SYT1: variants seen among roughly 807,000 people sequenced by gnomAD.
The protein encoded by SYT1 is synaptotagmin 1.
A neutral mutation model predicts 44.8 loss-of-function variants in SYT1; 8 were observed. The ratio of observed to expected loss-of-function variants is 0.18; its 90% CI spans 0.10 to 0.32. The LOEUF is 0.32. SYT1 is among the 10% of genes least tolerant of loss of function. The probability of loss-of-function intolerance (pLI) is 1.00; values close to 1 mark genes in which losing one functional copy is unlikely to be tolerated. For missense variants in SYT1, 286 were observed against 509.3 expected (o/e 0.56, Z 4.22); for synonymous variants, 154 against 188.8 (o/e 0.82, Z 1.51).
chr12:78,960,659 A>C (rs1879454362), intron 1 of SYT1: 1 of 152,222 alleles, frequency 6.6e-6, no homozygotes, highest in Admixed American at 6.5e-5. Context: ...GCAGGTACCC[A>C]GGAAGGATTC....
Position 79,217,634 on chromosome 12 carries a change from G to T in SYT1, c.115G>T (p.Ala39Ser). Residue 39 changes from alanine to serine, a missense_variant, in exon 4 of 11, where the codon GCA (alanine) becomes TCA (serine). By Grantham distance (99) the Ala-to-Ser change is moderately conservative. Transcript: ENST00000261205. ...CAGTCCTGGAGAAGGAAAGGAAGAT[G>T]CATTTTCTAAGCTGAAGGAGAAGTT... ...PASPGEGKED[A>S]FSKLKEKFMN... 1 of 1,613,084 alleles carries T rather than the reference G, an allele frequency of 6.2e-7. No individual in the cohort carries two copies. Among genetic ancestry groups the T allele is most frequent in the South Asian group, 1.1e-5 (1 of 90,978 alleles).
chr12:79,148,807 G>T (rs550426475), intron 3 of SYT1, among the ~76,000 whole-genome samples: 1 of 152,240 alleles, frequency 6.6e-6, no homozygotes, highest in South Asian at 2.1e-4. Context: ...TAAAATGTCT[G>T]TAATTTGATT....
intron 2 of SYT1, among the ~76,000 whole-genome samples, chr12:79,007,982 G>A (rs922147144): frequency 1.8e-4 from 28 of 151,968 alleles, no homozygotes; most frequent in African/African-American, 6.0e-4. Flanking sequence ...TGTTAGCCAG[G>A]ATCACTGCCC....
At chr12:79,206,068 A>C (rs1364911159) in intron 3 of SYT1, among the ~76,000 whole-genome samples, 2 of 152,192 alleles carry the variant, frequency 1.3e-5, no homozygotes, top group African/African-American at 4.8e-5. Flanking sequence ...TATAATTTGA[A>C]TTTTATTTTG....
intron 3 of SYT1, among the ~76,000 whole-genome samples, chr12:79,190,776 A>G (rs1873067914): frequency 6.6e-6 from 1 of 152,132 alleles, no homozygotes; most frequent in African/African-American, 2.4e-5. Flanking sequence ...AGCAAGGCTA[A>G]TTTTTATAGC....
intron 1 of SYT1, among the ~76,000 whole-genome samples, chr12:78,896,380 T>C (rs1213419232): frequency 6.6e-6 from 1 of 151,766 alleles, no homozygotes; most frequent in Non-Finnish European, 1.5e-5. Flanking sequence ...TGCCTTAGGA[T>C]AAATTATGAA....
At chr12:78,928,872 A>G (rs1319764951) in intron 1 of SYT1, among the ~76,000 whole-genome samples, 1 of 152,112 alleles carries the variant, frequency 6.6e-6, no homozygotes, top group East Asian at 1.9e-4. Flanking sequence ...TGAAAACCAA[A>G]CCTTGAACAA....
At chr12:79,100,414 T>A (rs1013325483) in intron 3 of SYT1, among the ~76,000 whole-genome samples, 3 of 151,896 alleles carry the variant, frequency 2.0e-5, no homozygotes, top group African/African-American at 7.3e-5. Flanking sequence ...TAATAGGAAA[T>A]GCTTTTAACA....
chr12:79,309,148 C>T (rs1434217009), intron 8 of SYT1, among the ~76,000 whole-genome samples: 1 of 152,168 alleles, frequency 6.6e-6, no homozygotes, highest in Non-Finnish European at 1.5e-5. Context: ...AGTGAGGCCT[C>T]AAATGAACTG....
chr12:79,444,270 C>A, intron 10 of SYT1, 64 bp downstream of exon 10: 2 of 1,584,766 alleles, frequency 1.3e-6, no homozygotes, highest in Non-Finnish European at 8.6e-7. Context: ...ATAAATTATA[C>A]ACACAGACCT....
At chr12:79,442,571 G>T (rs1027246826) in intron 9 of SYT1, among the ~76,000 whole-genome samples, 3 of 152,100 alleles carry the variant, frequency 2.0e-5, no homozygotes, top group African/African-American at 7.2e-5. Context: ...AGGACTGGGA[G>T]TCACAAGACC....
At chr12:79,447,064 T>G (rs370589122) in intron 10 of SYT1, among the ~76,000 whole-genome samples, 1 of 152,172 alleles carries the variant, frequency 6.6e-6, no homozygotes, top group East Asian at 1.9e-4. Flanking sequence ...AGACACATGC[T>G]AGGTTTCTGG....
chr12:79,320,849 T>C (rs1414803979), intron 8 of SYT1, among the ~76,000 whole-genome samples: 2 of 151,808 alleles, frequency 1.3e-5, no homozygotes, highest in African/African-American at 4.8e-5. Flanking sequence ...TCTCTATCTC[T>C]TGGCCTCGTG....
chr12:79,062,451 G>C (rs1263906392), intron 3 of SYT1, among the ~76,000 whole-genome samples: 1 of 152,164 alleles, frequency 6.6e-6, no homozygotes, highest in African/African-American at 2.4e-5. Context: ...CCTGAGCCAT[G>C]GGGTGGTGAG....
intron 3 of SYT1, among the ~76,000 whole-genome samples, chr12:79,133,778 GA>G (rs1192234757): frequency 3.3e-5 from 5 of 152,154 alleles, no homozygotes; most frequent in Non-Finnish European, 5.9e-5. Flanking sequence ...ACAGAAATAT[GA>G]AAGTTGAACA....
At chr12:78,895,841 G>T (rs1055340245) in intron 1 of SYT1, among the ~76,000 whole-genome samples, 1 of 151,742 alleles carries the variant, frequency 6.6e-6, no homozygotes, top group African/African-American at 2.4e-5. Context: ...TCAACCTAGA[G>T]AAACCAGTCA....
At chr12:79,423,029 C>A (rs116515795) in intron 9 of SYT1, among the ~76,000 whole-genome samples, 111 of 152,242 alleles carry the variant, frequency 7.3e-4, no homozygotes, top group African/African-American at 2.6e-3. Flanking sequence ...TAGTTAGTTT[C>A]TCTCCAGATC....
At chr12:79,173,207 A>G (rs1432886625) in intron 3 of SYT1, among the ~76,000 whole-genome samples, 4 of 151,910 alleles carry the variant, frequency 2.6e-5, no homozygotes, top group African/African-American at 4.8e-5. Context: ...TGTATCCCCA[A>G]TTTGGTTCCT....
At chr12:79,304,739 T>C (rs577321206) in intron 8 of SYT1, among the ~76,000 whole-genome samples, 37 of 152,242 alleles carry the variant, frequency 2.4e-4, no homozygotes, top group African/African-American at 8.9e-4. Context: ...AGAGTAGGAA[T>C]AAAATCTAAG....
Sources: allele counts gnomAD v4.1 joint callset (sites outside exome capture counted in the v4.1 genomes callset), GRCh38; gene constraint gnomAD v4.1.1; transcripts MANE v1.5; gene names NCBI Gene and HGNC (gene_info 2026-07-23, HGNC 2026-07-21).